HEATR6: variants seen among roughly 807,000 people sequenced by gnomAD.
The protein encoded by HEATR6 is HEAT repeat-containing protein 6.
A neutral mutation model predicts 132.8 loss-of-function variants in HEATR6; 106 were observed. The observed-to-expected ratio is 0.80, with a 90% CI of 0.68 to 0.94. HEATR6 has a LOEUF of 0.94. HEATR6 is among the 40% of genes least tolerant of loss of function. The pLI is 0.00. For missense variants in HEATR6, 1,339 were observed against 1,425.1 expected (o/e 0.94, Z 0.97); for synonymous variants, 529 against 537.8 (o/e 0.98, Z 0.23).
At chr17:60,044,669 C>T (rs892638001) in intron 19 of HEATR6, among the ~76,000 whole-genome samples, 1 of 152,216 alleles carries the variant, frequency 6.6e-6, no homozygotes, top group Non-Finnish European at 1.5e-5. Flanking sequence ...TTCTCCACAC[C>T]TGTAGGCCCT....
intron 5 of HEATR6, 88 bp downstream of exon 5, chr17:60,072,127 G>A: frequency 1.9e-6 from 1 of 520,340 alleles, no homozygotes; most frequent in Non-Finnish European, 3.4e-6. Context: ...CGAAGCTAAT[G>A]GTGCAAATTA....
intron 15 of HEATR6, among the ~76,000 whole-genome samples, 198 bp downstream of exon 15, chr17:60,050,645 G>T (rs1906547037): frequency 6.6e-6 from 1 of 152,096 alleles, no homozygotes; most frequent in African/African-American, 2.4e-5. Flanking sequence ...ATGCACAGGG[G>T]GAAACAGCTT....
chr17:60,061,472 C>G (rs1028925162), intron 9 of HEATR6, among the ~76,000 whole-genome samples: 2 of 152,156 alleles, frequency 1.3e-5, no homozygotes, highest in East Asian at 3.8e-4. Context: ...GTCAGCTGAT[C>G]CAAAAAGGAC....
rs1262273324 is a variant in HEATR6 at position 60,044,041 on chromosome 17, G to A, written c.3068C>T (p.Ala1023Val). Residue 1023 changes from alanine (A) to valine (V), a missense_variant, in exon 20 of 20, where the codon GCC (alanine) becomes GTC (valine). By Grantham distance (64) the Ala-to-Val change is moderately conservative. Transcript: ENST00000184956. ...CTCTCTCTTCCCCGGGACGGAAAGGGCAGCTGCAGATCTGATGCGCACTTT... is the reference window on the plus strand; with the variant it reads ...CTCTCTCTTCCCCGGGACGGAAAGGACAGCTGCAGATCTGATGCGCACTTT... The part of the protein sequence containing the change: ...NFKVRIRSAA[A>V]LSVPGKREQY... 14 of 1,614,218 alleles carry A rather than the reference G, an allele frequency of 8.7e-6. No individual in the cohort carries two copies. The highest frequency in any genetic ancestry group is 1.0e-5 in the Non-Finnish European group (12 of 1,180,044).
In HEATR6 at chr17:60,048,379, A is replaced by G; in HGVS notation, c.2557T>C (p.Phe853Leu). Residue 853 changes from phenylalanine to leucine, a missense_variant, in exon 17 of 20, where the codon TTT becomes CTT. Coordinates refer to ENST00000184956, the MANE Select transcript of HEATR6 (RefSeq NM_022070.5). ...LFPCLRQDVI[F>L]VADAANAILM... ...ATTGCATTTGCTGCGTCTGCAACAA[A>G]TATGACATCCTGTAACACAAAACAA... is the stretch of plus-strand genomic sequence containing the variant. 1 of 1,611,842 alleles carries G rather than the reference A, an allele frequency of 6.2e-7. No homozygotes were observed. The highest frequency in any genetic ancestry group is 1.1e-5 in the South Asian group (1 of 90,900).
intron 8 of HEATR6, among the ~76,000 whole-genome samples, chr17:60,067,042 G>A (rs946087814): frequency 1.2e-4 from 18 of 151,946 alleles, no homozygotes; most frequent in African/African-American, 3.6e-4. Context: ...AGGCCGAGGC[G>A]GGCGGATCAC....
chr17:60,057,110 C>G lies in HEATR6; in HGVS notation c.2017G>C (p.Asp673His). Reference protein sequence around the residue: ...LPKEDSCSGSDAGSAAGSTYE... With the variant: ...LPKEDSCSGSHAGSAAGSTYE... Reference sequence around the variant, plus strand: ...GTGCTTCCTGCTGCAGAGCCAGCATCGCTACCTGAACAGGAATCCTCCTTG... The same window carrying G: ...GTGCTTCCTGCTGCAGAGCCAGCATGGCTACCTGAACAGGAATCCTCCTTG... The change falls in exon 12 of 20, where the codon GAT (aspartate) becomes CAT (histidine). Residue 673 changes from aspartate (D) to histidine (H), a missense_variant. Transcript: ENST00000184956. The G allele has an allele frequency of 6.2e-7, 1 of 1,614,038 alleles. No homozygotes were observed. The highest frequency in any genetic ancestry group is 8.5e-7 in the Non-Finnish European group (1 of 1,179,938).
At chr17:60,055,741 C>T in intron 13 of HEATR6, 140 bp from the exon 14 acceptor site, 2 of 572,880 alleles carry the variant, frequency 3.5e-6, no homozygotes, top group Non-Finnish European at 6.1e-6. Flanking sequence ...GACACCTTCA[C>T]TCTAGTAACA....
Position 60,065,674 on chromosome 17 carries a change from A to G in HEATR6, c.1416+535T>C, listed in dbSNP as rs2083236789. On this transcript the variant is annotated intron_variant, in intron 9 of 19. Transcript: ENST00000184956. ...TTAAAAATAAGTTTTTCTCATTAAA[A>G]TATGTAAATATTTATTACACATGAT... Among the ~76,000 whole-genome samples the G allele has an allele frequency of 3.9e-5, 6 of 152,354 alleles. No homozygotes were observed. The South Asian group carries it at 1.2e-3, about 32-fold the overall frequency.
At chr17:60,054,472 C>T (rs1906680353) in intron 14 of HEATR6, among the ~76,000 whole-genome samples, 1 of 152,208 alleles carries the variant, frequency 6.6e-6, no homozygotes, top group South Asian at 2.1e-4. Context: ...TGGGACACAG[C>T]CTACACCTAG....
intron 11 of HEATR6, 43 bp from the exon 12 acceptor site, chr17:60,057,446 T>C (rs2093831670): frequency 7.8e-7 from 1 of 1,283,488 alleles, no homozygotes; most frequent in Non-Finnish European, 1.1e-6. Context: ...TGGCAACAAC[T>C]ACTGTAAAGA....
Position 60,059,428 on chromosome 17 carries a change from G to A in HEATR6, c.1717C>T (p.His573Tyr), listed in dbSNP as rs779702288. 2.5e-6 allele frequency: 4 copies of A among 1,606,246 alleles called. No individual in the cohort carries two copies. The Admixed American group carries it at 6.7e-5, about 27-fold the overall frequency. The stretch of plus-strand genomic sequence containing the variant: ...GTTTTAAGCCACTACAAACCTTTGT[G>A]GCGAATATAAGGCTTTATCTGGTTC... ...VWNQIKPYIRHKDVNVRVSSL... is the reference protein window; with the variant it reads ...VWNQIKPYIRYKDVNVRVSSL... Residue 573 changes from histidine (H) to tyrosine (Y), a missense_variant, in exon 11 of 20, where the codon CAC (histidine) becomes TAC (tyrosine). Coordinates refer to ENST00000184956, the MANE Select transcript of HEATR6 (RefSeq NM_022070.5).
Position 60,055,499 on chromosome 17 carries a change from A to G in HEATR6, c.2289+16T>C, listed in dbSNP as rs765674119. The G allele has an allele frequency of 8.3e-6, 13 of 1,564,080 alleles. No homozygotes were observed. Among genetic ancestry groups the G allele is most frequent in the Middle Eastern group, 1.8e-4 (1 of 5,524 alleles). On this transcript the variant is annotated intron_variant, in intron 14 of 19. Coordinates refer to ENST00000184956, the MANE Select transcript of HEATR6 (RefSeq NM_022070.5). The stretch of plus-strand genomic sequence containing the variant: ...AAGCATTAATAAAAGAAAACTATGA[A>G]TTGACATTTATTTACCAAGAAGACT...
intron 2 of HEATR6, chr17:60,074,160 C>T (rs1489547982): frequency 8.6e-7 from 1 of 1,160,176 alleles, no homozygotes. Context: ...ACATTGGCAG[C>T]TGTGAATACA....
chr17:60,047,913 G>A (rs555022735), intron 17 of HEATR6, among the ~76,000 whole-genome samples: 13 of 152,138 alleles, frequency 8.5e-5, no homozygotes. Flanking sequence ...TGTACTATCT[G>A]GATTTTTTTT....
At chr17:60,045,565 C>T (rs949651442) in intron 19 of HEATR6, among the ~76,000 whole-genome samples, 43 of 152,182 alleles carry the variant, frequency 2.8e-4, no homozygotes, top group Non-Finnish European at 2.9e-5. Context: ...TATATTCCCT[C>T]TCATTCCAGT....
chr17:60,066,692 A>AGT (rs554869388), intron 8 of HEATR6, among the ~76,000 whole-genome samples: 62 of 152,348 alleles, frequency 4.1e-4, no homozygotes, highest in Admixed American at 2.5e-3. Context: ...AACACTGCCG[A>AGT]GTATCCATCC....
chr17:60,058,327 T>C (rs1391700190), intron 11 of HEATR6, among the ~76,000 whole-genome samples: 1 of 152,222 alleles, frequency 6.6e-6, no homozygotes, highest in East Asian at 1.9e-4. Context: ...GTACATATTT[T>C]GTTAGGCTCA....
intron 7 of HEATR6, among the ~76,000 whole-genome samples, chr17:60,069,164 T>C (rs907299576): frequency 2.6e-5 from 4 of 152,346 alleles, no homozygotes; most frequent in East Asian, 1.9e-4. Context: ...ATCAGGTGAA[T>C]GTAAGGTGTG....
Sources: gnomAD v4.1 joint callset for allele counts (sites outside exome capture counted in the v4.1 genomes callset) on GRCh38, gnomAD v4.1.1 for gene constraint, MANE v1.5 for transcripts, NCBI Gene and HGNC (gene_info 2026-07-23, HGNC 2026-07-21) for gene names.